The following INPP4A variants were observed in gnomAD, a reference collection of about 807,000 sequenced individuals.
INPP4A encodes the protein inositol polyphosphate-4-phosphatase, type I, 107kD.
Under a neutral mutation model 119.8 loss-of-function variants are expected in INPP4A, and 33 were observed. The observed-to-expected ratio is 0.28, with a 90% CI of 0.21 to 0.37. INPP4A has a LOEUF of 0.37. Among genes scored for constraint, INPP4A ranks in the 10% least tolerant of loss-of-function variants. The pLI is 1.00. For synonymous variants in INPP4A, 496 were observed against 500.7 expected (o/e 0.99, Z 0.12); for missense variants, 956 against 1,289.9 (o/e 0.74, Z 3.97).
chr2:98,498,491 C>T (rs1294035396), intron 1 of INPP4A, among the ~76,000 whole-genome samples: 3 of 151,786 alleles, frequency 2.0e-5, no homozygotes, highest in Admixed American at 1.3e-4. Context: ...AGCATGAAAA[C>T]GAACTATTAC....
At chr2:98,466,990 T>G (rs1195822180) in intron 1 of INPP4A, among the ~76,000 whole-genome samples, 1 of 152,232 alleles carries the variant, frequency 6.6e-6, no homozygotes, top group African/African-American at 2.4e-5. Flanking sequence ...GAGGTTTACT[T>G]GGCTCACAAT....
At chr2:98,503,146 A>G (rs958252696) in intron 1 of INPP4A, among the ~76,000 whole-genome samples, 1 of 152,108 alleles carries the variant, frequency 6.6e-6, no homozygotes, top group Admixed American at 6.6e-5. Context: ...TGCTGGTGAG[A>G]AGGGATGCTC....
chr2:98,507,755 G>A (rs1471365656), intron 1 of INPP4A, among the ~76,000 whole-genome samples: 1 of 152,144 alleles, frequency 6.6e-6, no homozygotes. Flanking sequence ...AGAGGGGAAG[G>A]GCCACATTTG....
At chr2:98,559,136 T>C (rs1004546706) in intron 16 of INPP4A, among the ~76,000 whole-genome samples, 2 of 152,218 alleles carry the variant, frequency 1.3e-5, no homozygotes, top group African/African-American at 4.8e-5. Flanking sequence ...TTTATGTGGG[T>C]GCTTTTTTCT....
chr2:98,461,361 G>C (rs1697121271), intron 1 of INPP4A, among the ~76,000 whole-genome samples: 2 of 152,228 alleles, frequency 1.3e-5, no homozygotes, highest in African/African-American at 4.8e-5. Flanking sequence ...GGCCGTGGCA[G>C]TCACTGCCAG....
rs571213812 is a variant in INPP4A, at chr2:98,566,444, C to T, written c.2420+275C>T. 1.3e-5 allele frequency among the ~76,000 whole-genome samples: 2 copies of T among 152,014 alleles called. No homozygotes were observed. The highest frequency in any genetic ancestry group is 6.5e-5 in the Admixed American group (1 of 15,274). On this transcript the variant is annotated intron_variant, in intron 21 of 24. Coordinates refer to ENST00000409851, the MANE Select transcript of INPP4A (RefSeq NM_001134225.2). The surrounding 1 kb of genome is among the most constrained non-coding windows in gnomAD (Gnocchi z 4.2). Reference sequence around the variant, plus strand: ...GACAGATACAGGGCATTGTGGGATCCGGAGTAGGGCACCCAGCAAGGTCTA... The same window carrying T: ...GACAGATACAGGGCATTGTGGGATCTGGAGTAGGGCACCCAGCAAGGTCTA...
rs1697275805 is a variant in INPP4A at position 98,570,656 on chromosome 2, C to T, written c.2518+1988C>T. Reference sequence around the variant, plus strand: ...TCCGAGGGAAGGAGAACACACAGGGCTGGAAGATGCAAGAGGACACCAGAG... The same window carrying T: ...TCCGAGGGAAGGAGAACACACAGGGTTGGAAGATGCAAGAGGACACCAGAG... On this transcript the variant is annotated intron_variant, in intron 22 of 24. Transcript: ENST00000409851. This position sits in a 1 kb window ranked among gnomAD's most constrained non-coding sequence, Gnocchi z 4.3. 6.6e-6 allele frequency among the ~76,000 whole-genome samples: 1 copy of T among 152,112 alleles called. No individual in the cohort carries two copies. The highest frequency in any genetic ancestry group is 2.4e-5 in the African/African-American group (1 of 41,412).
At chr2:98,467,817 T>A (rs985417156) in intron 1 of INPP4A, among the ~76,000 whole-genome samples, 1 of 152,178 alleles carries the variant, frequency 6.6e-6, no homozygotes, top group African/African-American at 2.4e-5. Flanking sequence ...TAGATAATTA[T>A]CTATTATCTA....
intron 4 of INPP4A, among the ~76,000 whole-genome samples, chr2:98,524,417 A>G (rs1010198428): frequency 6.6e-6 from 1 of 152,228 alleles, no homozygotes; most frequent in African/African-American, 2.4e-5. Context: ...AACTTGAGCC[A>G]GGAATCAAAC....
In INPP4A at chr2:98,518,987, A is replaced by G. The variant is rs1053411246; in HGVS notation, c.-142A>G. The G allele has an allele frequency of 5.3e-5, 8 of 152,338 alleles. No homozygotes were observed. Among genetic ancestry groups the G allele is most frequent in the East Asian group, 3.9e-4 (2 of 5,172 alleles). The allele number at this position is 152,338 out of a possible 1,614,324, so 9.4% of individuals were successfully genotyped here. ...AGATGATGGATTTGGACATGCTTCTATGAAGAAATGCCACATGGTCCGAGA... is the reference window on the plus strand; with the variant it reads ...AGATGATGGATTTGGACATGCTTCTGTGAAGAAATGCCACATGGTCCGAGA... On this transcript the variant is annotated 5_prime_UTR_variant, in exon 2 of 25. An upstream start codon of the reference 5' UTR is lost. Transcript: ENST00000409851.
intron 15 of INPP4A, among the ~76,000 whole-genome samples, 178 bp from the exon 16 acceptor site, chr2:98,555,375 A>T (rs1409200359): frequency 6.6e-6 from 1 of 152,252 alleles, no homozygotes; most frequent in East Asian, 1.9e-4. Flanking sequence ...TTCATCGTTG[A>T]AAAGCAAATG....
intron 17 of INPP4A, among the ~76,000 whole-genome samples, chr2:98,562,935 C>T (rs958929339): frequency 6.6e-6 from 1 of 152,160 alleles, no homozygotes; most frequent in Admixed American, 6.5e-5. Context: ...AATAGTCCTC[C>T]TCCAGGTGTG....
At chr2:98,513,445 G>A (rs1214271396) in intron 1 of INPP4A, among the ~76,000 whole-genome samples, 1 of 152,230 alleles carries the variant, frequency 6.6e-6, no homozygotes, top group Non-Finnish European at 1.5e-5. Flanking sequence ...CATTGGTTAT[G>A]TAGAGACATT....
At chr2:98,454,805 T>A (rs1486722019) in intron 1 of INPP4A, among the ~76,000 whole-genome samples, 1 of 151,854 alleles carries the variant, frequency 6.6e-6, no homozygotes, top group Non-Finnish European at 1.5e-5. Context: ...CTGTAAACTC[T>A]TAGTCAGCTG....
chr2:98,462,864 T>A (rs1283599346), intron 1 of INPP4A, among the ~76,000 whole-genome samples: 1 of 152,012 alleles, frequency 6.6e-6, no homozygotes, highest in Non-Finnish European at 1.5e-5. Context: ...AATTTTTAAT[T>A]TTTTAAAATT....
Position 98,537,987 on chromosome 2 carries a change from A to G in INPP4A, c.579+13A>G, listed in dbSNP as rs1690650154. The G allele has an allele frequency of 7.9e-6, 12 of 1,517,776 alleles. No homozygotes were observed. The highest frequency in any genetic ancestry group is 4.6e-5 in the East Asian group (2 of 43,940). The allele number at this position is 1,517,776 out of a possible 1,614,324, so 94.0% of individuals were successfully genotyped here. A position where few individuals can be genotyped will look rare whatever the true frequency, so the allele number is the denominator to read the frequency against. ...TGTCAATGGGAGGGTGAGTTACACC[A>G]CTTTCCTCCTCTCCCTTAGAAAGAG... On this transcript the variant is annotated intron_variant, in intron 8 of 24. Coordinates refer to ENST00000409851, the MANE Select transcript of INPP4A (RefSeq NM_001134225.2).
intron 24 of INPP4A, among the ~76,000 whole-genome samples, chr2:98,585,253 C>T (rs1699825741): frequency 6.6e-6 from 1 of 152,148 alleles, no homozygotes. Flanking sequence ...CACTAAGATA[C>T]TGATGCCTGC....
chr2:98,463,961 AC>A (rs1417975879), intron 1 of INPP4A, among the ~76,000 whole-genome samples: 1 of 152,218 alleles, frequency 6.6e-6, no homozygotes, highest in Non-Finnish European at 1.5e-5. Flanking sequence ...CACGGTCTCC[AC>A]CCAGTGAACC....
At chr2:98,474,237 T>C (rs1318303688) in intron 1 of INPP4A, among the ~76,000 whole-genome samples, 2 of 152,216 alleles carry the variant, frequency 1.3e-5, no homozygotes, top group Non-Finnish European at 2.9e-5. Flanking sequence ...GCGGCCTGTG[T>C]GTGTGGGTTT....
Sources: gnomAD v4.1 joint callset for allele counts (sites outside exome capture counted in the v4.1 genomes callset) on GRCh38, gnomAD v4.1.1 for gene constraint, Gnocchi (gnomAD v3.1) non-coding constraint, MANE v1.5 for transcripts, NCBI Gene and HGNC (gene_info 2026-07-23, HGNC 2026-07-21) for gene names.